PLCE1: variants seen among roughly 807,000 people sequenced by gnomAD.
PLCE1 encodes the protein phospholipase C epsilon 1.
PLCE1 carries 119 observed loss-of-function variants against 242.8 expected under a neutral mutation model. The observed-to-expected ratio is 0.49, with a 90% CI of 0.42 to 0.57. The LOEUF (loss-of-function observed/expected upper bound fraction) is 0.57. Ranked by LOEUF, PLCE1 falls within the 20% of genes least tolerant of loss-of-function variation. The probability of loss-of-function intolerance (pLI) is 0.00; values close to 1 mark genes in which losing one functional copy is unlikely to be tolerated. For synonymous variants in PLCE1, 945 were observed against 1,017.4 expected, an observed-to-expected ratio of 0.93 and a Z score of 1.35; for missense variants, 2,441 against 2,788.8, an observed-to-expected ratio of 0.88 and a Z score of 2.81.
intron 20 of PLCE1, among the ~76,000 whole-genome samples, chr10:94,281,356 T>A (rs1342248372): frequency 6.6e-6 from 1 of 152,164 alleles, no homozygotes; most frequent in Admixed American, 6.5e-5. Context: ...TTTTTAGAAA[T>A]TATTATTATA....
At chr10:94,120,173 C>T (rs557101709) in intron 2 of PLCE1, among the ~76,000 whole-genome samples, 1 of 152,198 alleles carries the variant, frequency 6.6e-6, no homozygotes, top group Admixed American at 6.5e-5. Flanking sequence ...CTTCCAGGCT[C>T]CATGTCCTCC....
At chr10:94,249,795 G>A (rs189610581) in intron 8 of PLCE1, among the ~76,000 whole-genome samples, 4 of 152,234 alleles carry the variant, frequency 2.6e-5, no homozygotes, top group East Asian at 3.9e-4. Flanking sequence ...TTGAGCTTTG[G>A]CCCAAGGTTA....
intron 30 of PLCE1, among the ~76,000 whole-genome samples, chr10:94,322,736 G>T (rs537870977): frequency 1.3e-5 from 2 of 151,836 alleles, no homozygotes; most frequent in Non-Finnish European, 2.9e-5. Flanking sequence ...AGTGAGCCGA[G>T]ATCATGCCAT....
intron 3 of PLCE1, among the ~76,000 whole-genome samples, chr10:94,140,328 T>C (rs2046914252): frequency 6.6e-6 from 1 of 151,762 alleles, no homozygotes; most frequent in South Asian, 2.1e-4. Context: ...AGGTCAGAAG[T>C]TTGAGACCAG....
At chr10:94,232,419 G>A (rs1047988733) in intron 5 of PLCE1, among the ~76,000 whole-genome samples, 4 of 151,998 alleles carry the variant, frequency 2.6e-5, no homozygotes, top group African/African-American at 9.7e-5. Context: ...CCTTTTCCCT[G>A]CAACTGGGTG....
chr10:94,093,566 G>C (rs2045163133), intron 2 of PLCE1, among the ~76,000 whole-genome samples: 1 of 152,216 alleles, frequency 6.6e-6, no homozygotes, highest in Admixed American at 6.5e-5. Context: ...TAAATGCCAT[G>C]TGAAGGATTT....
chr10:94,250,299 C>T (rs1045639554), intron 8 of PLCE1, among the ~76,000 whole-genome samples: 14 of 151,834 alleles, frequency 9.2e-5, no homozygotes, highest in African/African-American at 2.7e-4. Context: ...GCCAGGGGTT[C>T]GAGACCAGCC....
At chr10:94,272,518 T>C (rs896546056) in intron 18 of PLCE1, among the ~76,000 whole-genome samples, 2 of 152,140 alleles carry the variant, frequency 1.3e-5, no homozygotes, top group Non-Finnish European at 1.5e-5. Context: ...ATTTGTACAA[T>C]AGTGGTCCTG....
intron 7 of PLCE1, 85 bp downstream of exon 7, chr10:94,236,205 A>G: frequency 8.9e-7 from 1 of 1,123,532 alleles, no homozygotes. Context: ...GCTTAGTTTC[A>G]GATGGACACC....
At chr10:94,278,408 C>A (rs1051578617) in intron 19 of PLCE1, among the ~76,000 whole-genome samples, 4 of 152,104 alleles carry the variant, frequency 2.6e-5, no homozygotes, top group African/African-American at 9.7e-5. Context: ...ATAGAAATGG[C>A]AACTTTTTCA....
At chr10:94,016,045 C>A (rs1177564032) in intron 1 of PLCE1, among the ~76,000 whole-genome samples, 1 of 152,078 alleles carries the variant, frequency 6.6e-6, no homozygotes, top group Non-Finnish European at 1.5e-5. Flanking sequence ...CGCTATATGT[C>A]CAAGGATGTG....
chr10:94,191,977 T>G (rs564026032), intron 4 of PLCE1, among the ~76,000 whole-genome samples: 44 of 152,308 alleles, frequency 2.9e-4, no homozygotes, highest in Non-Finnish European at 5.9e-4. Context: ...TTTTTGCACA[T>G]CCTGTGAGCT....
intron 2 of PLCE1, among the ~76,000 whole-genome samples, chr10:94,068,554 C>T (rs1195742527): frequency 2.0e-5 from 3 of 152,022 alleles, no homozygotes; most frequent in East Asian, 1.9e-4. Flanking sequence ...GGAACTTAAG[C>T]ATGTGGATTT....
At chr10:94,081,183 A>G (rs571130159) in intron 2 of PLCE1, among the ~76,000 whole-genome samples, 1 of 151,760 alleles carries the variant, frequency 6.6e-6, no homozygotes. Context: ...CATTTTACCT[A>G]TTTGCCATTT....
At chr10:94,255,914 A>ACACACACACACTCTCT (rs1284531207) in intron 11 of PLCE1, among the ~76,000 whole-genome samples, 2 of 67,286 alleles carry the variant, frequency 3.0e-5, no homozygotes, top group African/African-American at 1.2e-4. Context: ...ACACACACAC[A>ACACACACACACTCTCT]CTCTCTCTCT....
At chr10:94,194,145 C>T (rs1356518028) in intron 4 of PLCE1, among the ~76,000 whole-genome samples, 2 of 152,176 alleles carry the variant, frequency 1.3e-5, no homozygotes, top group Non-Finnish European at 2.9e-5. Context: ...GAGTCAGATA[C>T]AAGTGACTTT....
chr10:94,222,144 C>G (rs2049770939), intron 4 of PLCE1, among the ~76,000 whole-genome samples: 1 of 152,116 alleles, frequency 6.6e-6, no homozygotes, highest in African/African-American at 2.4e-5. Flanking sequence ...GGAGACAGAA[C>G]AGGCCCATGT....
At chr10:94,012,577 G>A (rs1238881428) in intron 1 of PLCE1, among the ~76,000 whole-genome samples, 3 of 152,066 alleles carry the variant, frequency 2.0e-5, no homozygotes, top group African/African-American at 7.2e-5. Context: ...CACCCTGGAC[G>A]GTGCAGCTTC....
chr10:94,164,659 C>T (rs954856954), intron 3 of PLCE1, among the ~76,000 whole-genome samples: 1 of 152,232 alleles, frequency 6.6e-6, no homozygotes, highest in African/African-American at 2.4e-5. Context: ...CTCCATCCAG[C>T]TTTGTTCCGT....
Sources: allele counts gnomAD v4.1 joint callset (sites outside exome capture counted in the v4.1 genomes callset), GRCh38; gene constraint gnomAD v4.1.1; transcripts MANE v1.5; gene names NCBI Gene and HGNC (gene_info 2026-07-23, HGNC 2026-07-21).